Variants in ZCCHC7 observed in about 807,000 individuals in gnomAD.
ZCCHC7 encodes zinc finger CCHC domain-containing protein 7.
ZCCHC7 carries 35 observed loss-of-function variants against 52.0 expected under a neutral mutation model. The ratio of observed to expected loss-of-function variants is 0.67; its 90% CI spans 0.51 to 0.89. ZCCHC7 has a LOEUF of 0.89. ZCCHC7 is among the 40% of genes least tolerant of loss of function. The pLI is 0.00. For synonymous variants in ZCCHC7, 217 were observed against 221.5 expected, an observed-to-expected ratio of 0.98 and a Z score of 0.18; for missense variants, 574 against 649.1, an observed-to-expected ratio of 0.88 and a Z score of 1.26.
At chr9:37,320,880 A>G (rs1285522442) in intron 5 of ZCCHC7, among the ~76,000 whole-genome samples, 1 of 152,122 alleles carries the variant, frequency 6.6e-6, no homozygotes, top group African/African-American at 2.4e-5. Flanking sequence ...AGTTTAATGT[A>G]GTTAACTAAG....
At chr9:37,262,804 A>C (rs1362189035) in intron 2 of ZCCHC7, among the ~76,000 whole-genome samples, 1 of 152,066 alleles carries the variant, frequency 6.6e-6, no homozygotes, top group African/African-American at 2.4e-5. Flanking sequence ...TTTTTCTCCC[A>C]CGTTCTTGTA....
At chr9:37,167,907 T>C (rs1300074312) in intron 2 of ZCCHC7, among the ~76,000 whole-genome samples, 1 of 152,200 alleles carries the variant, frequency 6.6e-6, no homozygotes, top group Non-Finnish European at 1.5e-5. Flanking sequence ...CTGTAATCCT[T>C]TTGGGTGATT....
intron 2 of ZCCHC7, among the ~76,000 whole-genome samples, chr9:37,278,034 G>GTGTGTGTTTTGTTT (rs74182939): frequency 6.3e-5 from 9 of 142,958 alleles, no homozygotes; most frequent in African/African-American, 1.0e-4. Flanking sequence ...GTGTGTGTGT[G>GTGTGTGTTTTGTTT]TGTTTTGTTT....
At chr9:37,193,874 G>A (rs10814515) in intron 2 of ZCCHC7, among the ~76,000 whole-genome samples, 85,920 of 151,948 alleles carry the variant, frequency 0.57, 24,944 homozygotes, top group African/African-American at 0.7. Flanking sequence ...GTCACCTGAA[G>A]TCTCATCTCC....
intron 5 of ZCCHC7, chr9:37,326,034 C>T (rs759153028): frequency 4.6e-5 from 7 of 152,106 alleles, no homozygotes; most frequent in African/African-American, 9.7e-5. Flanking sequence ...ATTTTTCAAC[C>T]GTATTATTCT....
intron 2 of ZCCHC7, among the ~76,000 whole-genome samples, chr9:37,177,913 C>G (rs1445824252): frequency 6.6e-6 from 1 of 152,086 alleles, no homozygotes; most frequent in African/African-American, 2.4e-5. Context: ...ATGTGGTATC[C>G]TGGATAGAAT....
intron 5 of ZCCHC7, among the ~76,000 whole-genome samples, chr9:37,324,477 A>G (rs902105072): frequency 6.6e-6 from 1 of 152,184 alleles, no homozygotes; most frequent in Non-Finnish European, 1.5e-5. Context: ...AGCTTTTGAT[A>G]ATTTGACAAG....
chr9:37,148,538 T>G (rs1393191152), intron 2 of ZCCHC7, among the ~76,000 whole-genome samples: 1 of 152,028 alleles, frequency 6.6e-6, no homozygotes, highest in East Asian at 1.9e-4. Context: ...GTTCTTAAAT[T>G]ATTTCTTAAA....
intron 2 of ZCCHC7, among the ~76,000 whole-genome samples, chr9:37,255,669 A>C (rs1826553586): frequency 6.6e-6 from 1 of 152,156 alleles, no homozygotes; most frequent in Non-Finnish European, 1.5e-5. Flanking sequence ...TTGGCAGGAA[A>C]GATTATAAAT....
intron 2 of ZCCHC7, among the ~76,000 whole-genome samples, chr9:37,153,888 G>A (rs1215477677): frequency 6.6e-6 from 1 of 152,018 alleles, no homozygotes; most frequent in Non-Finnish European, 1.5e-5. Flanking sequence ...CAAATCATAG[G>A]TAATTTTTGT....
Position 37,173,419 on chromosome 9 carries a change from G to T in ZCCHC7, c.610+46477G>T, listed in dbSNP as rs557947358. The stretch of plus-strand genomic sequence containing the variant: ...TGCATACTATAAAACTGTTATATGG[G>T]TATGTAATACAGAACAGACAAAATA... On this transcript the variant is annotated intron_variant, in intron 2 of 8. Transcript: ENST00000336755. Among the ~76,000 whole-genome samples the T allele has an allele frequency of 2.2e-4, 34 of 152,230 alleles. No homozygotes were observed. The South Asian group carries it at 4.6e-3, about 20-fold the overall frequency.
chr9:37,355,814 CATT>C lies in ZCCHC7; in HGVS notation c.1198+991_1198+993del, dbSNP rs1821666049. Among the ~76,000 whole-genome samples, 3 of 152,192 alleles carry C rather than the reference CATT, an allele frequency of 2.0e-5. No individual in the cohort carries two copies. The South Asian group carries it at 6.2e-4, about 32-fold the overall frequency. ...TAAGTGGACCCACGTAGTTCAAACTCATTGTGCAAGGGTCAGCTGTGTGGAGAA... is the reference window on the plus strand; with the variant it reads ...TAAGTGGACCCACGTAGTTCAAACTCGTGCAAGGGTCAGCTGTGTGGAGAA... On this transcript the variant is annotated intron_variant, in intron 8 of 8. Transcript: ENST00000336755.
chr9:37,345,477 C>A (rs184072031), intron 6 of ZCCHC7, among the ~76,000 whole-genome samples: 1 of 152,298 alleles, frequency 6.6e-6, no homozygotes, highest in Non-Finnish European at 1.5e-5. Flanking sequence ...CCTGTAATCC[C>A]AGCATTTGGG....
chr9:37,163,822 T>A (rs1821251567), intron 2 of ZCCHC7, among the ~76,000 whole-genome samples: 1 of 152,222 alleles, frequency 6.6e-6, no homozygotes, highest in African/African-American at 2.4e-5. Flanking sequence ...GCTTAATATT[T>A]AGGTTTTTGC....
At chr9:37,285,257 T>G (rs138853394) in intron 2 of ZCCHC7, among the ~76,000 whole-genome samples, 6 of 152,306 alleles carry the variant, frequency 3.9e-5, no homozygotes, top group Non-Finnish European at 5.9e-5. Flanking sequence ...AAATGAGAAA[T>G]TGAAGCTGAG....
chr9:37,174,374 C>T (rs1243670367), intron 2 of ZCCHC7, among the ~76,000 whole-genome samples: 1 of 152,110 alleles, frequency 6.6e-6, no homozygotes, highest in East Asian at 1.9e-4. Flanking sequence ...ACATTCCTAT[C>T]AATACCGTGT....
intron 2 of ZCCHC7, among the ~76,000 whole-genome samples, chr9:37,158,931 A>G (rs1820951776): frequency 1.3e-5 from 2 of 152,226 alleles, no homozygotes; most frequent in Non-Finnish European, 2.9e-5. Flanking sequence ...CTTCCAGTGC[A>G]ATCCTCCTAG....
intron 2 of ZCCHC7, among the ~76,000 whole-genome samples, chr9:37,264,740 C>G (rs767741684): frequency 2.0e-5 from 3 of 152,170 alleles, no homozygotes; most frequent in Non-Finnish European, 2.9e-5. Flanking sequence ...GTAACCAGAT[C>G]TTTTTATATG....
chr9:37,308,485 G>A (rs1440514405), intron 5 of ZCCHC7, among the ~76,000 whole-genome samples: 1 of 151,534 alleles, frequency 6.6e-6, no homozygotes, highest in Non-Finnish European at 1.5e-5. Flanking sequence ...AAAATTACTT[G>A]TAAAAGGTTA....
Sources: allele counts gnomAD v4.1 joint callset (sites outside exome capture counted in the v4.1 genomes callset), GRCh38; gene constraint gnomAD v4.1.1; transcripts MANE v1.5; gene names NCBI Gene and HGNC (gene_info 2026-07-23, HGNC 2026-07-21).